Variants in LRRC7 observed in about 807,000 individuals in gnomAD.
The protein encoded by LRRC7 is leucine rich repeat containing 7.
In LRRC7, 23 loss-of-function variants were observed where a neutral mutation model predicts 175.7. The ratio of observed to expected loss-of-function variants is 0.13; its 90% confidence interval spans 0.09 to 0.19. The LOEUF (loss-of-function observed/expected upper bound fraction) is 0.19, where lower values mean the gene tolerates loss of function less well. LRRC7 is among the 10% of genes least tolerant of loss of function. The pLI is 1.00. For synonymous variants in LRRC7, 685 were observed against 680.9 expected (o/e 1.01, Z -0.09); for missense variants, 1,354 against 1,904.7 (o/e 0.71, Z 5.38).
chr1:69,666,536 G>T (rs1053382367), intron 1 of LRRC7, among the ~76,000 whole-genome samples: 23 of 151,788 alleles, frequency 1.5e-4, no homozygotes, highest in African/African-American at 5.1e-4. Flanking sequence ...TTCATGGTTC[G>T]ATCTTGGAAG....
chr1:69,749,535 G>A (rs540389461), intron 2 of LRRC7, among the ~76,000 whole-genome samples: 8 of 152,086 alleles, frequency 5.3e-5, no homozygotes, highest in Admixed American at 1.3e-4. Context: ...AGAGTGAGAC[G>A]GAATATTCTA....
rs184266065 is a variant in LRRC7, at chr1:69,701,861, C to G, written c.100+23383C>G. On this transcript the variant is annotated intron_variant, in intron 2 of 26. Transcript: ENST00000651989. ...GTGCACAGAGGATATTCATAACTAA[C>G]AATTTAAAAATCATATCACTAGTGT... Among the ~76,000 whole-genome samples, 776 of 152,272 alleles carry G rather than the reference C, an allele frequency of 5.1e-3. 2 individuals are homozygous for G. Among genetic ancestry groups the G allele is most frequent in the Middle Eastern group, 0.031 (9 of 294 alleles).
rs1362182517 is a variant in LRRC7 at position 69,920,017 on chromosome 1, T to A, written c.648-11490T>A. The A allele has an allele frequency of 6.5e-6, 3 of 460,638 alleles. No individual in the cohort carries two copies. In the Admixed American group the frequency reaches 1.1e-4, roughly 17 times the overall value. The allele number at this position is 460,638 out of a possible 1,614,324, so 28.5% of individuals were successfully genotyped here. On this transcript the variant is annotated intron_variant, in intron 7 of 26. Coordinates refer to ENST00000651989, the MANE Select transcript of LRRC7 (RefSeq NM_001370785.2). Reference sequence around the variant, plus strand: ...GGGCCCTGGGGTTCCCCACTCCCTGTCAGTCCCCAGTTGGGGCTGCGACCT... The same window carrying A: ...GGGCCCTGGGGTTCCCCACTCCCTGACAGTCCCCAGTTGGGGCTGCGACCT...
intron 22 of LRRC7, among the ~76,000 whole-genome samples, chr1:70,046,863 T>A (rs1031544886): frequency 7.9e-5 from 12 of 152,126 alleles, no homozygotes; most frequent in African/African-American, 2.7e-4. Flanking sequence ...AAACTCTCTT[T>A]AAAATGCAGT....
At chr1:69,653,739 A>G (rs1656199562) in intron 1 of LRRC7, among the ~76,000 whole-genome samples, 2 of 152,126 alleles carry the variant, frequency 1.3e-5, no homozygotes. Context: ...ATAGCCGGGA[A>G]GTGACAACAT....
At chr1:69,929,349 G>T (rs2101765154) in intron 7 of LRRC7, among the ~76,000 whole-genome samples, 1 of 152,184 alleles carries the variant, frequency 6.6e-6, no homozygotes, top group East Asian at 1.9e-4. Context: ...ATTTCCAACT[G>T]AACACCTAAA....
chr1:69,980,560 A>G, intron 9 of LRRC7, 107 bp downstream of exon 9: 2 of 906,608 alleles, frequency 2.2e-6, no homozygotes, highest in South Asian at 1.6e-5. Flanking sequence ...TCAAAGTAAA[A>G]TAATACTCAT....
intron 1 of LRRC7, among the ~76,000 whole-genome samples, chr1:69,592,141 C>G (rs1458806832): frequency 1.3e-5 from 2 of 151,976 alleles, no homozygotes; most frequent in African/African-American, 4.8e-5. Context: ...AGTCCTAACT[C>G]TCTCGTTTTA....
At chr1:69,595,254 T>C (rs1646794383) in intron 1 of LRRC7, among the ~76,000 whole-genome samples, 1 of 152,100 alleles carries the variant, frequency 6.6e-6, no homozygotes, top group Non-Finnish European at 1.5e-5. Context: ...ACCCTGTCTC[T>C]AGTAAAAATA....
In LRRC7 at chr1:69,574,973, C is replaced by T. The variant is rs139738974; in HGVS notation, c.2+6332C>T. ...ATTAGCGAAGTCCTTAGGCTAATAT[C>T]GTATTGTTGAACACTGGGCACACCA... On this transcript the variant is annotated intron_variant, in intron 1 of 26. Coordinates refer to ENST00000651989, the MANE Select transcript of LRRC7 (RefSeq NM_001370785.2). 9.9e-5 allele frequency among the ~76,000 whole-genome samples: 15 copies of T among 152,178 alleles called. No homozygotes were observed. The East Asian group carries it at 2.7e-3, about 27-fold the overall frequency.
Position 69,897,428 on chromosome 1 carries a change from T to G in LRRC7, c.648-34079T>G, listed in dbSNP as rs1646010822. 3.9e-5 allele frequency among the ~76,000 whole-genome samples: 6 copies of G among 152,232 alleles called. No homozygotes were observed. In the South Asian group the frequency reaches 1.2e-3, roughly 32 times the overall value. ...CCCTGCTTTATTTTTTTCACAGCACTTACCACCATTCTGTATGTTGTATAT... is the reference window on the plus strand; with the variant it reads ...CCCTGCTTTATTTTTTTCACAGCACGTACCACCATTCTGTATGTTGTATAT... On this transcript the variant is annotated intron_variant, in intron 7 of 26. Coordinates refer to ENST00000651989, the MANE Select transcript of LRRC7 (RefSeq NM_001370785.2).
At chr1:69,935,403 G>A (rs1647900505) in intron 8 of LRRC7, among the ~76,000 whole-genome samples, 1 of 152,086 alleles carries the variant, frequency 6.6e-6, no homozygotes, top group Non-Finnish European at 1.5e-5. Context: ...CTACCAAATT[G>A]GAATTATAAT....
At position 69,885,957 on chromosome 1, in the gene LRRC7, T is replaced by C. The variant is rs1161493266; in HGVS notation, c.648-45550T>C. 6.6e-5 allele frequency among the ~76,000 whole-genome samples: 8 copies of C among 121,616 alleles called. No individual in the cohort carries two copies. The Admixed American group carries it at 6.8e-4, about 10-fold the overall frequency. The allele number at this position is 121,616 out of a possible 152,430, so 79.8% of individuals were successfully genotyped here. Reference sequence around the variant, plus strand: ...TGAGTTTGTTAGTCCTGAGTTCTAGTTTGATTGCACTGTGGTCTGAGAGAC... The same window carrying C: ...TGAGTTTGTTAGTCCTGAGTTCTAGCTTGATTGCACTGTGGTCTGAGAGAC... On this transcript the variant is annotated intron_variant, in intron 7 of 26. Transcript: ENST00000651989.
chr1:69,654,320 GA>G (rs1378276177), intron 1 of LRRC7, among the ~76,000 whole-genome samples: 4 of 151,972 alleles, frequency 2.6e-5, no homozygotes, highest in African/African-American at 9.7e-5. Flanking sequence ...CTTATCAATG[GA>G]AACTATACGT....
At chr1:70,008,210 C>T (rs183311408) in intron 11 of LRRC7, among the ~76,000 whole-genome samples, 1 of 152,228 alleles carries the variant, frequency 6.6e-6, no homozygotes, top group Non-Finnish European at 1.5e-5. Context: ...AGGCCCATCT[C>T]GCCTTTTCAC....
intron 7 of LRRC7, among the ~76,000 whole-genome samples, chr1:69,880,769 AAAAG>A (rs1686518603): frequency 6.6e-6 from 1 of 152,032 alleles, no homozygotes; most frequent in African/African-American, 2.4e-5. Context: ...TATAAGGAAA[AAAAG>A]AAGAAGTTTT....
At chr1:69,967,817 G>T (rs1296941397) in intron 8 of LRRC7, among the ~76,000 whole-genome samples, 1 of 152,098 alleles carries the variant, frequency 6.6e-6, no homozygotes, top group Non-Finnish European at 1.5e-5. Context: ...TTGAGCCTTA[G>T]ACTTTTCCCT....
At chr1:70,104,998 T>A (rs1279772630) in intron 25 of LRRC7, among the ~76,000 whole-genome samples, 1 of 152,140 alleles carries the variant, frequency 6.6e-6, no homozygotes, top group Non-Finnish European at 1.5e-5. Context: ...CAATCAGAGA[T>A]GTAGTGGCTT....
At chr1:69,925,210 T>C (rs1647026846) in intron 7 of LRRC7, among the ~76,000 whole-genome samples, 1 of 152,246 alleles carries the variant, frequency 6.6e-6, no homozygotes, top group African/African-American at 2.4e-5. Context: ...GCCAGTATTT[T>C]ATTGAGGATT....
Sources: gnomAD v4.1 joint callset for allele counts (sites outside exome capture counted in the v4.1 genomes callset) on GRCh38, gnomAD v4.1.1 for gene constraint, MANE v1.5 for transcripts, NCBI Gene and HGNC (gene_info 2026-07-23, HGNC 2026-07-21) for gene names.